The following ADAMTS20 variants were observed in gnomAD, a reference collection of about 807,000 sequenced individuals.
ADAMTS20 encodes the protein A disintegrin and metalloproteinase with thrombospondin motifs 20.
ADAMTS20 carries 225 observed loss-of-function variants against 260.1 expected under a neutral mutation model. The observed-to-expected ratio is 0.87, with a 90% CI of 0.78 to 0.97. ADAMTS20 has a LOEUF of 0.97. Among genes scored for constraint, ADAMTS20 ranks in the 50% least tolerant of loss-of-function variants. ADAMTS20 has a pLI of 0.00. For missense variants in ADAMTS20, 2,400 were observed against 2,337.7 expected (o/e 1.03, Z -0.55); for synonymous variants, 802 against 769.5 (o/e 1.04, Z -0.70).
At chr12:43,400,628 T>C (rs10506227) in intron 28 of ADAMTS20, among the ~76,000 whole-genome samples, 13,353 of 151,856 alleles carry the variant, frequency 0.088, 1,293 homozygotes, top group African/African-American at 0.24. Flanking sequence ...TGCTTTACCG[T>C]TCCTGACCAT....
chr12:43,511,224 C>T (rs1022274233), intron 3 of ADAMTS20, among the ~76,000 whole-genome samples: 3 of 152,090 alleles, frequency 2.0e-5, no homozygotes, highest in Admixed American at 2.0e-4. Flanking sequence ...AATGTTCCCG[C>T]TGTCTTCAAT....
Position 43,552,062 on chromosome 12 carries a change from G to C in ADAMTS20, c.-141C>G, listed in dbSNP as rs1333329828. On this transcript the variant is annotated 5_prime_UTR_variant, in exon 1 of 39. Coordinates refer to ENST00000389420, the MANE Select transcript of ADAMTS20 (RefSeq NM_025003.5). ...AGCAGCCTAGGGAACAGCAGCGCGGGCCCTGGGCCGGCTGGTCCAGCCACA... is the reference window on the plus strand; with the variant it reads ...AGCAGCCTAGGGAACAGCAGCGCGGCCCCTGGGCCGGCTGGTCCAGCCACA... The C allele has an allele frequency of 2.9e-6, 2 of 681,780 alleles. No individual in the cohort carries two copies. Among genetic ancestry groups the C allele is most frequent in the African/African-American group, 3.6e-5 (2 of 55,770 alleles). 42.2% of individuals were successfully genotyped at this position (681,780 alleles called of 1,614,324 possible). A position where few individuals can be genotyped will look rare whatever the true frequency, so the allele number is the denominator to read the frequency against.
At chr12:43,447,474 G>A (rs1404093739) in intron 14 of ADAMTS20, among the ~76,000 whole-genome samples, 3 of 152,048 alleles carry the variant, frequency 2.0e-5, no homozygotes, top group Admixed American at 6.6e-5. Flanking sequence ...CATAAACTAG[G>A]CATTGAAGGA....
At chr12:43,466,021 G>T (rs1942146385) in intron 9 of ADAMTS20, among the ~76,000 whole-genome samples, 1 of 151,968 alleles carries the variant, frequency 6.6e-6, no homozygotes, top group South Asian at 2.1e-4. Context: ...TTGCCTTTTG[G>T]AAAAGTTTCA....
intron 7 of ADAMTS20, among the ~76,000 whole-genome samples, chr12:43,471,370 G>A (rs552305919): frequency 1.5e-5 from 2 of 136,342 alleles, no homozygotes; most frequent in African/African-American, 5.5e-5. Flanking sequence ...TAGCACAGCA[G>A]TCTGAGATCA....
chr12:43,502,384 C>T lies in ADAMTS20; in HGVS notation c.635G>A (p.Ser212Asn). 1.3e-6 allele frequency: 2 copies of T among 1,591,010 alleles called. No individual in the cohort carries two copies. The highest frequency in any genetic ancestry group is 1.7e-4 in the Middle Eastern group (1 of 5,996). ...GTTGCTGTAGGTATGAAAGGGTAAA[C>T]TGGTTTCCTTTATTTGACTTTCTAG... Reference protein sequence around the residue: ...SVSESQIKETSLPFHTYSNMN... With the variant: ...SVSESQIKETNLPFHTYSNMN... Residue 212 changes from serine (S) to asparagine (N), a missense_variant, in exon 4 of 39, where the codon AGT (serine) becomes AAT (asparagine). Ser to Asn is a conservative substitution (Grantham distance 46). Coordinates refer to ENST00000389420, the MANE Select transcript of ADAMTS20 (RefSeq NM_025003.5).
intron 16 of ADAMTS20, among the ~76,000 whole-genome samples, chr12:43,442,463 G>A: frequency 6.6e-6 from 1 of 151,954 alleles, no homozygotes; most frequent in East Asian, 1.9e-4. Flanking sequence ...TTGCCATGTT[G>A]GTCAGGCTGG....
intron 36 of ADAMTS20, among the ~76,000 whole-genome samples, chr12:43,370,772 C>G (rs1940090691): frequency 6.6e-6 from 1 of 152,204 alleles, no homozygotes; most frequent in Admixed American, 6.5e-5. Context: ...TACCATCTGT[C>G]TTGTTATTTT....
At chr12:43,535,928 A>G (rs937981051) in intron 2 of ADAMTS20, among the ~76,000 whole-genome samples, 1 of 152,068 alleles carries the variant, frequency 6.6e-6, no homozygotes, top group African/African-American at 2.4e-5. Context: ...AACAACAAGG[A>G]CTTGCACTCT....
At chr12:43,403,686 G>C (rs546843612) in intron 28 of ADAMTS20, among the ~76,000 whole-genome samples, 30 of 152,058 alleles carry the variant, frequency 2.0e-4, no homozygotes, top group African/African-American at 6.7e-4. Flanking sequence ...CATCTGTAAT[G>C]CTATAGCAAA....
At chr12:43,537,451 C>G (rs758428529) in intron 2 of ADAMTS20, among the ~76,000 whole-genome samples, 1 of 152,012 alleles carries the variant, frequency 6.6e-6, no homozygotes, top group Non-Finnish European at 1.5e-5. Context: ...GTGAAATAAG[C>G]ACATCATGGG....
Position 43,468,668 on chromosome 12 carries a change from T to C in ADAMTS20, c.1155A>G (p.Gln385=). 6.2e-7 allele frequency: 1 copy of C among 1,610,246 alleles called. No homozygotes were observed. The part of the protein sequence containing the change: ...SYLGTICDPL[Q]SCFINEEKGL... ...CTTTTTCTTCATTAATAAAGCAGCT[T>C]TGTAAAGGATCACATATGGTACCTA... The change falls in exon 8 of 39, where the codon CAA becomes CAG. Residue 385 remains glutamine, a synonymous_variant. Transcript: ENST00000389420.
chr12:43,425,104 G>A (rs1179218450), intron 28 of ADAMTS20, among the ~76,000 whole-genome samples: 1 of 152,148 alleles, frequency 6.6e-6, no homozygotes, highest in Non-Finnish European at 1.5e-5. Context: ...CACGTCCTTT[G>A]CGGGGACATG....
chr12:43,440,368 C>T (rs1270954489), intron 16 of ADAMTS20, among the ~76,000 whole-genome samples: 3 of 152,088 alleles, frequency 2.0e-5, no homozygotes, highest in Non-Finnish European at 4.4e-5. Context: ...AGGCTGGTCT[C>T]GAACTCCTGA....
At chr12:43,537,398 A>G (rs960737484) in intron 2 of ADAMTS20, among the ~76,000 whole-genome samples, 1 of 152,014 alleles carries the variant, frequency 6.6e-6, no homozygotes, top group African/African-American at 2.4e-5. Context: ...GTAGGTGTAT[A>G]TATTTATGGA....
At chr12:43,415,486 C>T (rs151133733) in intron 28 of ADAMTS20, among the ~76,000 whole-genome samples, 4 of 152,036 alleles carry the variant, frequency 2.6e-5, no homozygotes, top group South Asian at 4.2e-4. Context: ...ATTTCTAACT[C>T]GAGGAAAAAT....
intron 11 of ADAMTS20, among the ~76,000 whole-genome samples, chr12:43,457,669 T>C (rs1227738401): frequency 1.3e-5 from 2 of 152,214 alleles, no homozygotes; most frequent in African/African-American, 4.8e-5. Context: ...TCTGATACAT[T>C]AGCTAGAATA....
intron 22 of ADAMTS20, among the ~76,000 whole-genome samples, chr12:43,430,809 T>C (rs527401259): frequency 6.6e-6 from 1 of 152,218 alleles, no homozygotes; most frequent in South Asian, 2.1e-4. Context: ...AGTGTATGCA[T>C]GTCATTTAAT....
chr12:43,384,687 T>C (rs187677121), intron 29 of ADAMTS20, among the ~76,000 whole-genome samples: 48 of 152,158 alleles, frequency 3.2e-4, no homozygotes, highest in African/African-American at 1.1e-3. Context: ...CTCCCACTTA[T>C]GAGTGAGAAC....
Sources: allele counts gnomAD v4.1 joint callset (sites outside exome capture counted in the v4.1 genomes callset), GRCh38; gene constraint gnomAD v4.1.1; transcripts MANE v1.5; gene names NCBI Gene and HGNC (gene_info 2026-07-23, HGNC 2026-07-21).